ARHGAP19: variants seen among roughly 807,000 people sequenced by gnomAD.
The protein encoded by ARHGAP19 is Rho GTPase activating protein 19.
A neutral mutation model predicts 60.9 loss-of-function variants in ARHGAP19; 48 were observed. The observed-to-expected ratio is 0.79, with a 90% confidence interval of 0.62 to 1.00. The LOEUF (loss-of-function observed/expected upper bound fraction) is 1.00. Ranked by LOEUF, ARHGAP19 falls within the 50% of genes least tolerant of loss-of-function variation. The probability of loss-of-function intolerance (pLI) is 0.00; values close to 1 mark genes in which losing one functional copy is unlikely to be tolerated. For missense variants in ARHGAP19, 562 were observed against 597.2 expected, an observed-to-expected ratio of 0.94 and a Z score of 0.61; for synonymous variants, 209 against 215.5, an observed-to-expected ratio of 0.97 and a Z score of 0.27.
At position 97,225,334 on chromosome 10, in the gene ARHGAP19, C is replaced by A. The variant is rs1213756396; in HGVS notation, c.*788G>T. On this transcript the variant is annotated 3_prime_UTR_variant, in exon 12 of 12. Transcript: ENST00000358531. ...CAGCAAAACACAATTATTTTCACAT[C>A]ACTGAGGAAAGGGAAAGAGAGAGAG... The A allele has an allele frequency of 6.6e-6, 1 of 151,990 alleles. No individual in the cohort carries two copies. The highest frequency in any genetic ancestry group is 2.4e-5 in the African/African-American group (1 of 41,358). The allele number at this position is 151,990 out of a possible 1,614,324, so 9.4% of individuals were successfully genotyped here.
chr10:97,249,129 CAAAG>C (rs1434923032), intron 6 of ARHGAP19, among the ~76,000 whole-genome samples: 1 of 151,980 alleles, frequency 6.6e-6, no homozygotes, highest in African/African-American at 2.4e-5. Context: ...GAGAATGAGA[CAAAG>C]AAAAGCTATT....
rs552031675 is a variant in ARHGAP19 at position 97,225,516 on chromosome 10, T to C, written c.*606A>G. On this transcript the variant is annotated 3_prime_UTR_variant, in exon 12 of 12. Transcript: ENST00000358531. The stretch of plus-strand genomic sequence containing the variant: ...AATAATAAAAAATGTCCAGAAAAGC[T>C]ATAAATTCTTTGGACACAAATTAGG... 6.6e-6 allele frequency: 1 copy of C among 152,334 alleles called. No homozygotes were observed. Among genetic ancestry groups the C allele is most frequent in the Non-Finnish European group, 1.5e-5 (1 of 68,038 alleles). The allele number at this position is 152,334 out of a possible 1,614,324, so 9.4% of individuals were successfully genotyped here.
At chr10:97,254,497 T>C (rs1218464182) in intron 6 of ARHGAP19, among the ~76,000 whole-genome samples, 2 of 152,164 alleles carry the variant, frequency 1.3e-5, no homozygotes, top group African/African-American at 2.4e-5. Context: ...AAGAATGAGG[T>C]TGGACCCTTA....
At chr10:97,285,798 G>T (rs890362962) in intron 1 of ARHGAP19, among the ~76,000 whole-genome samples, 11 of 152,174 alleles carry the variant, frequency 7.2e-5, no homozygotes, top group Non-Finnish European at 4.4e-5. Context: ...GCGATTACAG[G>T]CGTGAGCCAC....
intron 3 of ARHGAP19, 58 bp from the exon 4 acceptor site, chr10:97,263,687 T>G: frequency 1.3e-6 from 2 of 1,517,994 alleles, no homozygotes; most frequent in Non-Finnish European, 1.8e-6. Flanking sequence ...AGATTATTAT[T>G]AAAATAAATG....
At chr10:97,235,787 C>A (rs983790996) in intron 8 of ARHGAP19, among the ~76,000 whole-genome samples, 1 of 152,134 alleles carries the variant, frequency 6.6e-6, no homozygotes, top group Admixed American at 6.5e-5. Context: ...AGAGGAAATA[C>A]ATCAGAATGC....
At chr10:97,239,558 GTGT>G in intron 8 of ARHGAP19, among the ~76,000 whole-genome samples, 1 of 10,068 alleles carries the variant, frequency 9.9e-5, no homozygotes, top group East Asian at 6.7e-3. Flanking sequence ...GAGGGTGTGT[GTGT>G]GTGTGTGTGT....
At chr10:97,254,686 A>G (rs1331943527) in intron 6 of ARHGAP19, among the ~76,000 whole-genome samples, 4 of 152,244 alleles carry the variant, frequency 2.6e-5, no homozygotes, top group African/African-American at 7.2e-5. Context: ...TTGACAAATT[A>G]GACTTCATAA....
At position 97,223,643 on chromosome 10, in the gene ARHGAP19, T is replaced by C. The variant is rs1850845429; in HGVS notation, c.*2479A>G. 6.6e-6 allele frequency: 1 copy of C among 152,028 alleles called. No individual in the cohort carries two copies. Among genetic ancestry groups the C allele is most frequent in the East Asian group, 1.9e-4 (1 of 5,198 alleles). 9.4% of individuals were successfully genotyped at this position (152,028 alleles called of 1,614,324 possible). ...GTTCCAACATGAAAAACAAACACAA[T>C]GAAATAGATTCAAAAAAAATCTTAT... On this transcript the variant is annotated 3_prime_UTR_variant, in exon 12 of 12. Coordinates refer to ENST00000358531, the MANE Select transcript of ARHGAP19 (RefSeq NM_032900.6).
At chr10:97,262,244 G>C (rs1434743187) in intron 4 of ARHGAP19, among the ~76,000 whole-genome samples, 2 of 151,360 alleles carry the variant, frequency 1.3e-5, no homozygotes, top group African/African-American at 4.9e-5. Flanking sequence ...TACTGGTGTT[G>C]GGGACTGGGT....
At position 97,264,895 on chromosome 10, in the gene ARHGAP19, T is replaced by C. The variant is rs1312133911; in HGVS notation, c.334A>G (p.Ile112Val). The C allele has an allele frequency of 4.3e-6, 7 of 1,613,172 alleles. No homozygotes were observed. Among genetic ancestry groups the C allele is most frequent in the Non-Finnish European group, 5.9e-6 (7 of 1,179,202 alleles). ...TCCTCCGTCAGTGGGGACCCAAATA[T>C]CACTCCTTTTTCTGAAAAACCATAT... ...MSLKRKEKGV[I>V]FGSPLTEEGI... The change falls in exon 3 of 12, where the codon ATA (isoleucine) becomes GTA (valine). Residue 112 changes from isoleucine (I) to valine (V), a missense_variant. By Grantham distance (29) the Ile-to-Val change is conservative. Transcript: ENST00000358531.
At chr10:97,231,059 C>CAAAAAAAAAAATAAAAAAAAAAAAAAAA (rs1851003090) in intron 9 of ARHGAP19, among the ~76,000 whole-genome samples, 1 of 59,752 alleles carries the variant, frequency 1.7e-5, no homozygotes, top group African/African-American at 7.0e-5. Flanking sequence ...CTTGTCTCAC[C>CAAAAAAAAAAATAAAAAAAAAAAAAAAA]AAAAAAAAAA....
chr10:97,240,619 C>G (rs1314944246), intron 8 of ARHGAP19, among the ~76,000 whole-genome samples: 2 of 152,136 alleles, frequency 1.3e-5, no homozygotes, highest in African/African-American at 4.8e-5. Context: ...CCACTGCACT[C>G]CAGCCTAGGC....
intron 4 of ARHGAP19, among the ~76,000 whole-genome samples, chr10:97,260,146 T>A (rs1468756164): frequency 1.3e-5 from 2 of 151,980 alleles, no homozygotes; most frequent in Admixed American, 6.6e-5. Flanking sequence ...AAATTTTTTT[T>A]AATGTGTACA....
intron 6 of ARHGAP19, among the ~76,000 whole-genome samples, chr10:97,247,785 G>A (rs1022398849): frequency 3.3e-5 from 5 of 152,104 alleles, no homozygotes; most frequent in Non-Finnish European, 5.9e-5. Context: ...CTACTGTTGA[G>A]TGAGAAAAGT....
At chr10:97,237,939 T>C (rs1842408330) in intron 8 of ARHGAP19, among the ~76,000 whole-genome samples, 1 of 152,094 alleles carries the variant, frequency 6.6e-6, no homozygotes, top group African/African-American at 2.4e-5. Context: ...TACCATACTA[T>C]ACTTTTATCA....
chr10:97,240,703 T>C (rs938296862), intron 8 of ARHGAP19, among the ~76,000 whole-genome samples: 11 of 152,310 alleles, frequency 7.2e-5, no homozygotes, highest in Admixed American at 3.9e-4. Context: ...TTTAATAACA[T>C]GAGAAATGTT....
At chr10:97,255,741 T>G (rs1224231886) in intron 6 of ARHGAP19, among the ~76,000 whole-genome samples, 1 of 152,158 alleles carries the variant, frequency 6.6e-6, no homozygotes. Flanking sequence ...AGAGCGTACC[T>G]CACAGATCCT....
At chr10:97,242,324 C>CCTTTTTTTTTTTTTTTTTTTTTTTT (rs1842498449) in intron 8 of ARHGAP19, among the ~76,000 whole-genome samples, 4 of 55,794 alleles carry the variant, frequency 7.2e-5, no homozygotes, top group Admixed American at 5.8e-4. Flanking sequence ...TATCAGTGTT[C>CCTTTTTTTTTTTTTTTTTTTTTTTT]TTTTTTTTTT....
Sources: gnomAD v4.1 joint callset for allele counts (sites outside exome capture counted in the v4.1 genomes callset) on GRCh38, gnomAD v4.1.1 for gene constraint, MANE v1.5 for transcripts, NCBI Gene and HGNC (gene_info 2026-07-23, HGNC 2026-07-21) for gene names.